FAR1: variants seen among roughly 807,000 people sequenced by gnomAD.
The protein encoded by FAR1 is fatty acyl-CoA reductase 1, also known as male sterility domain-containing protein 2.
FAR1 carries 22 observed loss-of-function variants against 61.1 expected under a neutral mutation model. The ratio of observed to expected loss-of-function variants is 0.36; its 90% CI spans 0.26 to 0.51. FAR1 has a LOEUF of 0.51. FAR1 is among the 20% of genes least tolerant of loss of function. The pLI is 0.95. For synonymous variants in FAR1, 206 were observed against 209.7 expected, an observed-to-expected ratio of 0.98 and a Z score of 0.15; for missense variants, 359 against 626.9, an observed-to-expected ratio of 0.57 and a Z score of 4.56.
rs1848732583 is a variant in FAR1 at position 13,732,068 on chromosome 11, A to G, written c.*3294A>G. Reference sequence around the variant, plus strand: ...TCCAAACTTTTGCATGAGAAACTAGAAAAAGGAATGTATGCCACGTAACTG... The same window carrying G: ...TCCAAACTTTTGCATGAGAAACTAGGAAAAGGAATGTATGCCACGTAACTG... On this transcript the variant is annotated 3_prime_UTR_variant, in exon 12 of 12. Transcript: ENST00000354817. 1 of 152,118 alleles carries G rather than the reference A, an allele frequency of 6.6e-6. No individual in the cohort carries two copies. The highest frequency in any genetic ancestry group is 2.4e-5 in the African/African-American group (1 of 41,428). The allele number at this position is 152,118 out of a possible 1,614,324, so 9.4% of individuals were successfully genotyped here. A position where few individuals can be genotyped will look rare whatever the true frequency, so the allele number is the denominator to read the frequency against.
rs749628706 is a variant in FAR1 at position 13,694,900 on chromosome 11, G to A, written c.135G>A (p.Arg45=). ...PKVNSVYVLV[R]QKAGQTPQER... ...TGAATTCAGTATATGTTTTGGTGAG[G>A]CAGAAAGCTGGACAGACACCACAAG... Residue 45 remains arginine (R), a synonymous_variant, in exon 2 of 12, where the codon AGG becomes AGA. Coordinates refer to ENST00000354817, the MANE Select transcript of FAR1 (RefSeq NM_032228.6). 18 of 1,613,868 alleles carry A rather than the reference G, an allele frequency of 1.1e-5. No individual in the cohort carries two copies. The African/African-American group carries it at 2.4e-4, about 22-fold the overall frequency.
At chr11:13,673,901 C>G (rs1848036902) in intron 1 of FAR1, among the ~76,000 whole-genome samples, 1 of 152,112 alleles carries the variant, frequency 6.6e-6, no homozygotes, top group Non-Finnish European at 1.5e-5. Flanking sequence ...CCCATCTTAT[C>G]CTATTATTTT....
chr11:13,690,984 A>G (rs558698890), intron 1 of FAR1, among the ~76,000 whole-genome samples: 1 of 152,340 alleles, frequency 6.6e-6, no homozygotes, highest in East Asian at 1.9e-4. Context: ...GATGAGATTC[A>G]CATAATATAA....
At chr11:13,704,938 T>C (rs923671034) in intron 3 of FAR1, among the ~76,000 whole-genome samples, 1 of 152,188 alleles carries the variant, frequency 6.6e-6, no homozygotes, top group Non-Finnish European at 1.5e-5. Context: ...TTATATGTTA[T>C]GCCAAGTATG....
At chr11:13,693,453 C>A (rs891589247) in intron 1 of FAR1, among the ~76,000 whole-genome samples, 1 of 152,228 alleles carries the variant, frequency 6.6e-6, no homozygotes, top group South Asian at 2.1e-4. Context: ...AATTCCAGTT[C>A]TCTTTTGTCC....
intron 10 of FAR1, 100 bp from the exon 11 acceptor site, chr11:13,727,453 AATT>A (rs1848678621): frequency 9.9e-7 from 1 of 1,010,210 alleles, no homozygotes; most frequent in Non-Finnish European, 1.4e-6. Context: ...AGAATTTTGT[AATT>A]ATGTCACTTG....
At chr11:13,723,251 G>C (rs1449286038) in intron 10 of FAR1, 1 of 306,644 alleles carries the variant, frequency 3.3e-6, no homozygotes, top group Non-Finnish European at 6.3e-6. Context: ...TGTAGTCCTA[G>C]CTACTCAGGA....
At position 13,716,483 on chromosome 11, in the gene FAR1, G is replaced by C. The variant is rs541304558; in HGVS notation, c.1127+1803G>C. Among the ~76,000 whole-genome samples, 18 of 152,286 alleles carry C rather than the reference G, an allele frequency of 1.2e-4. No homozygotes were observed. The East Asian group carries it at 3.5e-3, about 29-fold the overall frequency. ...TGTTTGTGATCAGATGAAAGAGGCC[G>C]GTGGGCAGAGAGGCAATGGAACAGC... On this transcript the variant is annotated intron_variant, in intron 9 of 11. Coordinates refer to ENST00000354817, the MANE Select transcript of FAR1 (RefSeq NM_032228.6).
intron 1 of FAR1, among the ~76,000 whole-genome samples, chr11:13,687,373 C>G (rs1042919339): frequency 1.3e-5 from 2 of 152,216 alleles, no homozygotes; most frequent in African/African-American, 4.8e-5. Context: ...TCCCCTTCCC[C>G]AAGTGTGTGG....
intron 9 of FAR1, among the ~76,000 whole-genome samples, chr11:13,715,303 T>C (rs1848543841): frequency 2.0e-5 from 3 of 152,148 alleles, no homozygotes; most frequent in African/African-American, 7.2e-5. Flanking sequence ...TTGGAGATCT[T>C]TGGGGACACT....
intron 10 of FAR1, among the ~76,000 whole-genome samples, chr11:13,723,115 C>T (rs1271470281): frequency 6.6e-6 from 1 of 151,610 alleles, no homozygotes; most frequent in Non-Finnish European, 1.5e-5. Context: ...GCCTGTATCC[C>T]AATACTTTGG....
In FAR1 at chr11:13,728,874, C is replaced by T; in HGVS notation, c.*100C>T. The T allele has an allele frequency of 1.8e-6, 2 of 1,105,660 alleles. No homozygotes were observed. The highest frequency in any genetic ancestry group is 2.6e-6 in the Non-Finnish European group (2 of 764,644). 68.5% of individuals were successfully genotyped at this position (1,105,660 alleles called of 1,614,324 possible). A position where few individuals can be genotyped will look rare whatever the true frequency, so the allele number is the denominator to read the frequency against. The stretch of plus-strand genomic sequence containing the variant: ...TCTCACTTTTTGTCAAGACATTAAA[C>T]CATCTTAGATCGGAGTGTGAAGTAA... On this transcript the variant is annotated 3_prime_UTR_variant, in exon 12 of 12. Transcript: ENST00000354817.
At chr11:13,687,696 C>T (rs185017687) in intron 1 of FAR1, among the ~76,000 whole-genome samples, 8 of 152,130 alleles carry the variant, frequency 5.3e-5, no homozygotes, top group East Asian at 1.9e-4. Context: ...CAAATTAGTG[C>T]GGCTTTCCTT....
chr11:13,713,996 T>C (rs1043023262), intron 8 of FAR1, among the ~76,000 whole-genome samples: 1 of 152,150 alleles, frequency 6.6e-6, no homozygotes, highest in African/African-American at 2.4e-5. Flanking sequence ...AAAGTATTAA[T>C]ATAGATGATA....
Position 13,706,486 on chromosome 11 carries a change from CGTTT to C in FAR1, c.366-1405_366-1402del, listed in dbSNP as rs199524692. ...CTAATATTGAGTATTTAAATCTTTT[CGTTT>C]GTTTGTTTTTATTTTTTTAATTGAC... On this transcript the variant is annotated intron_variant, in intron 3 of 11. Coordinates refer to ENST00000354817, the MANE Select transcript of FAR1 (RefSeq NM_032228.6). 4.3e-3 allele frequency among the ~76,000 whole-genome samples: 658 copies of C among 151,484 alleles called. 1 individual carries two copies. Among genetic ancestry groups the C allele is most frequent in the Admixed American group, 0.011 (172 of 15,238 alleles).
intron 2 of FAR1, among the ~76,000 whole-genome samples, chr11:13,695,493 A>G (rs1848298479): frequency 6.6e-6 from 1 of 152,208 alleles, no homozygotes; most frequent in African/African-American, 2.4e-5. Context: ...ATGAGCTAGA[A>G]TAAAATTATT....
In FAR1 at chr11:13,701,006, TTC is replaced by T. The variant is rs1183834919; in HGVS notation, c.365+516_365+517del. ...ATTTAATTTAAAAAATAATTTAGACTTCTTTCAAGATTCCTGTTGCAAGAAAA... is the reference window on the plus strand; with the variant it reads ...ATTTAATTTAAAAAATAATTTAGACTTTTCAAGATTCCTGTTGCAAGAAAA... On this transcript the variant is annotated intron_variant, in intron 3 of 11. Coordinates refer to ENST00000354817, the MANE Select transcript of FAR1 (RefSeq NM_032228.6). 8.5e-5 allele frequency among the ~76,000 whole-genome samples: 13 copies of T among 152,222 alleles called. No homozygotes were observed. The South Asian group carries it at 2.5e-3, about 29-fold the overall frequency.
rs373732759 is a variant in FAR1, at chr11:13,683,342, G to A, written c.-7-11417G>A. On this transcript the variant is annotated intron_variant, in intron 1 of 11. Coordinates refer to ENST00000354817, the MANE Select transcript of FAR1 (RefSeq NM_032228.6). ...TGGGAGGTGGAGGTTGCAGTGAGCC[G>A]AGATCACACCACTGCACTCCAGCCT... 2.4e-3 allele frequency among the ~76,000 whole-genome samples: 365 copies of A among 150,486 alleles called. 2 individuals are homozygous for A. The highest frequency in any genetic ancestry group is 0.01 in the Middle Eastern group (3 of 292).
At chr11:13,699,793 A>C (rs953554673) in intron 2 of FAR1, among the ~76,000 whole-genome samples, 1 of 152,222 alleles carries the variant, frequency 6.6e-6, no homozygotes, top group African/African-American at 2.4e-5. Context: ...TTGCTTACCA[A>C]CTTTTTCCTT....
Sources: gnomAD v4.1 joint callset for allele counts (sites outside exome capture counted in the v4.1 genomes callset) on GRCh38, gnomAD v4.1.1 for gene constraint, MANE v1.5 for transcripts, NCBI Gene and HGNC (gene_info 2026-07-23, HGNC 2026-07-21) for gene names.